Variants in NXPH1 observed in about 807,000 individuals in gnomAD.
NXPH1 encodes neurexophilin-1.
A neutral mutation model predicts 23.7 loss-of-function variants in NXPH1; 5 were observed. The observed-to-expected ratio is 0.21, with a 90% confidence interval of 0.11 to 0.44. NXPH1 has a LOEUF of 0.44. NXPH1 is among the 20% of genes least tolerant of loss of function. NXPH1 has a pLI of 0.99. For missense variants in NXPH1, 324 were observed against 321.6 expected, an observed-to-expected ratio of 1.01 and a Z score of -0.06; for synonymous variants, 144 against 122.2, an observed-to-expected ratio of 1.18 and a Z score of -1.18.
rs1165151177 is a variant in NXPH1 at position 8,615,045 on chromosome 7, T to A, written c.55-135963T>A. 2.0e-5 allele frequency among the ~76,000 whole-genome samples: 3 copies of A among 152,070 alleles called. No homozygotes were observed. The East Asian group carries it at 5.8e-4, about 29-fold the overall frequency. ...AGTTGGCTCTGATTTCTAATTCTCA[T>A]CTCTTCTTTCTTTTTACTTGTTGTG... is the stretch of plus-strand genomic sequence containing the variant. On this transcript the variant is annotated intron_variant, in intron 2 of 2. Coordinates refer to ENST00000405863, the MANE Select transcript of NXPH1 (RefSeq NM_152745.3).
At chr7:8,646,831 CAGAG>C (rs1222023433) in intron 2 of NXPH1, among the ~76,000 whole-genome samples, 7 of 150,210 alleles carry the variant, frequency 4.7e-5, no homozygotes, top group Non-Finnish European at 8.9e-5. Flanking sequence ...TTTACTTAAT[CAGAG>C]AGCCTCTGAA....
chr7:8,635,074 A>G (rs1206703363), intron 2 of NXPH1, among the ~76,000 whole-genome samples: 1 of 152,148 alleles, frequency 6.6e-6, no homozygotes, highest in East Asian at 1.9e-4. Flanking sequence ...TCAAAAGCAG[A>G]CTAGAGATCT....
intron 2 of NXPH1, among the ~76,000 whole-genome samples, chr7:8,592,928 G>A (rs1406500831): frequency 6.6e-6 from 1 of 151,654 alleles, no homozygotes; most frequent in African/African-American, 2.4e-5. Flanking sequence ...TTGGCCCAGG[G>A]GCTGTAATTT....
intron 2 of NXPH1, among the ~76,000 whole-genome samples, chr7:8,609,898 A>G (rs1393921930): frequency 6.6e-6 from 1 of 152,116 alleles, no homozygotes; most frequent in Non-Finnish European, 1.5e-5. Context: ...ATAAGTGAGG[A>G]TGATTATTTT....
At position 8,632,099 on chromosome 7, in the gene NXPH1, C is replaced by T. The variant is rs184240070; in HGVS notation, c.55-118909C>T. ...GACCTTATGTCTGCCATTCAGGGAG[C>T]GTCCATCAGATGGCTGTGGTAACTT... On this transcript the variant is annotated intron_variant, in intron 2 of 2. Coordinates refer to ENST00000405863, the MANE Select transcript of NXPH1 (RefSeq NM_152745.3). Among the ~76,000 whole-genome samples the T allele has an allele frequency of 2.0e-4, 31 of 152,222 alleles. No individual in the cohort carries two copies. The East Asian group carries it at 3.3e-3, about 16-fold the overall frequency.
At chr7:8,544,686 T>G (rs1003788257) in intron 2 of NXPH1, among the ~76,000 whole-genome samples, 1 of 151,616 alleles carries the variant, frequency 6.6e-6, no homozygotes, top group East Asian at 1.9e-4. Context: ...AAAATTTTAC[T>G]TATCAGTTCT....
intron 2 of NXPH1, among the ~76,000 whole-genome samples, chr7:8,747,643 G>A (rs907904819): frequency 6.6e-6 from 1 of 152,330 alleles, no homozygotes; most frequent in Middle Eastern, 3.4e-3. Context: ...GCAAAAGCCA[G>A]AGAAGAGGAT....
At chr7:8,575,548 G>T (rs1818737311) in intron 2 of NXPH1, among the ~76,000 whole-genome samples, 1 of 152,126 alleles carries the variant, frequency 6.6e-6, no homozygotes, top group African/African-American at 2.4e-5. Context: ...CTGTTGCTCT[G>T]ATCTTAAAAG....
intron 2 of NXPH1, among the ~76,000 whole-genome samples, chr7:8,735,204 A>G (rs1780227914): frequency 6.6e-6 from 1 of 152,166 alleles, no homozygotes; most frequent in African/African-American, 2.4e-5. Flanking sequence ...GAGTGAGGGC[A>G]TCCTTGTCTT....
intron 2 of NXPH1, among the ~76,000 whole-genome samples, chr7:8,699,417 G>C (rs975290932): frequency 4.7e-5 from 7 of 148,672 alleles, no homozygotes; most frequent in African/African-American, 1.7e-4. Context: ...GTTCTTTTTG[G>C]TGTCAATGTT....
chr7:8,735,850 T>C (rs1439549489), intron 2 of NXPH1, among the ~76,000 whole-genome samples: 2 of 152,192 alleles, frequency 1.3e-5, no homozygotes, highest in Admixed American at 1.3e-4. Flanking sequence ...AATTTCTTCT[T>C]TGTTTAGTCT....
intron 2 of NXPH1, among the ~76,000 whole-genome samples, chr7:8,473,628 C>G (rs1816910805): frequency 6.6e-6 from 1 of 151,918 alleles, no homozygotes; most frequent in East Asian, 1.9e-4. Context: ...TTCCATCTCT[C>G]TATGCTGTGT....
intron 2 of NXPH1, among the ~76,000 whole-genome samples, chr7:8,651,257 T>A (rs1298816588): frequency 1.6e-5 from 2 of 123,834 alleles, no homozygotes; most frequent in Non-Finnish European, 3.4e-5. Flanking sequence ...TTACTGAGAA[T>A]GATGATTTCC....
chr7:8,747,054 C>T (rs1780482682), intron 2 of NXPH1, among the ~76,000 whole-genome samples: 1 of 152,120 alleles, frequency 6.6e-6, no homozygotes. Flanking sequence ...GTTCCAGGTA[C>T]TGTCCTTAGT....
intron 2 of NXPH1, among the ~76,000 whole-genome samples, chr7:8,580,770 A>G (rs574534649): frequency 6.6e-6 from 1 of 151,936 alleles, no homozygotes; most frequent in East Asian, 1.9e-4. Flanking sequence ...GAAAAAAAGT[A>G]GTTTCTGGGG....
At chr7:8,454,993 G>T (rs1343127604) in intron 2 of NXPH1, among the ~76,000 whole-genome samples, 13 of 152,138 alleles carry the variant, frequency 8.5e-5, no homozygotes, top group Admixed American at 5.2e-4. Flanking sequence ...TTAAAAAATA[G>T]TCTAGAAGTC....
intron 2 of NXPH1, among the ~76,000 whole-genome samples, chr7:8,653,554 G>A (rs557890138): frequency 6.6e-6 from 1 of 152,178 alleles, no homozygotes; most frequent in South Asian, 2.1e-4. Context: ...TTTAGTTCTG[G>A]TTTCCCATAA....
Position 8,434,718 on chromosome 7 carries a change from C to A in NXPH1, c.-148C>A, listed in dbSNP as rs1816158028. The A allele has an allele frequency of 6.5e-6, 1 of 152,706 alleles. No individual in the cohort carries two copies. The highest frequency in any genetic ancestry group is 1.5e-5 in the Non-Finnish European group (1 of 68,150). The allele number at this position is 152,706 out of a possible 1,614,324, so 9.5% of individuals were successfully genotyped here. ...GCTTCTCCATGGAGCCTGCCCAGAG[C>A]GGTCCCTTCTCGCAGGATTCGCCCC... On this transcript the variant is annotated 5_prime_UTR_variant, in exon 1 of 3. Transcript: ENST00000405863. The surrounding 1 kb of genome is among the most constrained non-coding windows in gnomAD (Gnocchi z 7.6).
At chr7:8,449,499 T>A (rs4720780) in intron 2 of NXPH1, among the ~76,000 whole-genome samples, 3 of 152,036 alleles carry the variant, frequency 2.0e-5, no homozygotes, top group Non-Finnish European at 4.4e-5. Flanking sequence ...AGATGACATG[T>A]ACTATTAATA....
Sources: gnomAD v4.1 joint callset for allele counts (sites outside exome capture counted in the v4.1 genomes callset) on GRCh38, gnomAD v4.1.1 for gene constraint, Gnocchi (gnomAD v3.1) non-coding constraint, MANE v1.5 for transcripts, NCBI Gene and HGNC (gene_info 2026-07-23, HGNC 2026-07-21) for gene names.